KDM4C: variants seen among roughly 807,000 people sequenced by gnomAD.
KDM4C encodes the protein lysine demethylase 4C.
KDM4C carries 81 observed loss-of-function variants against 129.3 expected under a neutral mutation model. That is an observed-to-expected ratio of 0.63 (90% CI 0.52 to 0.75). KDM4C has a LOEUF of 0.75. Among genes scored for constraint, KDM4C ranks in the 30% least tolerant of loss-of-function variants. The pLI, the probability that KDM4C is intolerant of heterozygous loss-of-function variation, is 0.00. For missense variants in KDM4C, 1,457 were observed against 1,304.0 expected (o/e 1.12, Z -1.81); for synonymous variants, 573 against 456.1 (o/e 1.26, Z -3.26).
At chr9:6,857,727 A>G (rs1374175430) in intron 5 of KDM4C, among the ~76,000 whole-genome samples, 1 of 151,934 alleles carries the variant, frequency 6.6e-6, no homozygotes, top group Non-Finnish European at 1.5e-5. Context: ...CGTGCAAAGC[A>G]AATAGTTTTC....
At position 7,090,188 on chromosome 9, in the gene KDM4C, G is replaced by A. The variant is rs561425871; in HGVS notation, c.2425-13497G>A. On this transcript the variant is annotated intron_variant, in intron 17 of 21. Coordinates refer to ENST00000381309, the MANE Select transcript of KDM4C (RefSeq NM_015061.6). The stretch of plus-strand genomic sequence containing the variant: ...ACTTATAACCTCTTCAGAGCTTCCT[G>A]TTGGAACTTGACAAGCAGATTCTTT... 2.6e-5 allele frequency among the ~76,000 whole-genome samples: 4 copies of A among 152,316 alleles called. No homozygotes were observed. In the South Asian group the frequency reaches 8.3e-4, roughly 32 times the overall value.
chr9:7,004,318 C>T (rs935038569), intron 12 of KDM4C, among the ~76,000 whole-genome samples: 3 of 152,212 alleles, frequency 2.0e-5, no homozygotes, highest in African/African-American at 4.8e-5. Context: ...TCATAGTTCT[C>T]ACCTAATATT....
intron 16 of KDM4C, among the ~76,000 whole-genome samples, chr9:7,047,531 A>G (rs1051237198): frequency 6.6e-6 from 1 of 151,602 alleles, no homozygotes; most frequent in Non-Finnish European, 1.5e-5. Context: ...TTTTTTTTTC[A>G]TGACCAGGTT....
At chr9:6,781,929 A>G (rs571621206) in intron 1 of KDM4C, among the ~76,000 whole-genome samples, 3 of 150,918 alleles carry the variant, frequency 2.0e-5, no homozygotes, top group Non-Finnish European at 2.9e-5. Flanking sequence ...GGTTCAGGCT[A>G]TTCTCCTGCC....
intron 4 of KDM4C, chr9:6,835,239 G>A: frequency 2.2e-6 from 2 of 912,832 alleles, no homozygotes; most frequent in Non-Finnish European, 3.7e-6. Flanking sequence ...CACTCTTCCA[G>A]CTTTCCTTCC....
chr9:6,835,297 A>G (rs1488297447), intron 4 of KDM4C: 15 of 904,522 alleles, frequency 1.7e-5, no homozygotes, highest in East Asian at 2.4e-5. Context: ...GAACTCCATT[A>G]TGAAGTGTGA....
intron 17 of KDM4C, among the ~76,000 whole-genome samples, chr9:7,069,859 A>G (rs1039087169): frequency 6.6e-6 from 1 of 152,252 alleles, no homozygotes. Flanking sequence ...CATGAGGTGG[A>G]CTAATTGAGA....
intron 1 of KDM4C, among the ~76,000 whole-genome samples, chr9:6,738,480 C>T (rs944601024): frequency 3.9e-5 from 6 of 151,976 alleles, no homozygotes; most frequent in African/African-American, 1.4e-4. Flanking sequence ...GTCCCCCAAG[C>T]TGGAGGGCAA....
chr9:6,991,414 G>A (rs1189308561), intron 12 of KDM4C, among the ~76,000 whole-genome samples: 1 of 151,928 alleles, frequency 6.6e-6, no homozygotes, highest in East Asian at 1.9e-4. Context: ...TTATAAAAAA[G>A]AAATTTTTGT....
At chr9:6,785,988 C>G (rs559519099) in intron 1 of KDM4C, among the ~76,000 whole-genome samples, 2 of 152,264 alleles carry the variant, frequency 1.3e-5, no homozygotes, top group East Asian at 1.9e-4. Flanking sequence ...GCTTAGGTTC[C>G]TAGAGGGCTG....
At chr9:6,887,346 C>T (rs908334903) in intron 6 of KDM4C, among the ~76,000 whole-genome samples, 3 of 152,208 alleles carry the variant, frequency 2.0e-5, no homozygotes, top group Non-Finnish European at 4.4e-5. Context: ...GTATGTTTAA[C>T]TTCCTCATTT....
At chr9:6,839,672 C>T (rs571337447) in intron 4 of KDM4C, among the ~76,000 whole-genome samples, 6 of 151,930 alleles carry the variant, frequency 3.9e-5, no homozygotes, top group African/African-American at 9.7e-5. Context: ...TTTTGGAGGC[C>T]GAGGCAGGAG....
chr9:7,007,959 A>G (rs2132103665), intron 12 of KDM4C, among the ~76,000 whole-genome samples: 1 of 152,318 alleles, frequency 6.6e-6, no homozygotes. Flanking sequence ...TGGCAGAAAC[A>G]TCGATTTAAC....
At chr9:7,082,240 A>C (rs769072919) in intron 17 of KDM4C, among the ~76,000 whole-genome samples, 6 of 152,148 alleles carry the variant, frequency 3.9e-5, no homozygotes, top group African/African-American at 7.2e-5. Context: ...GTTTCTTTCC[A>C]CCTTAGCCCA....
intron 17 of KDM4C, among the ~76,000 whole-genome samples, chr9:7,057,869 G>A (rs964352212): frequency 2.2e-4 from 34 of 152,210 alleles, no homozygotes; most frequent in African/African-American, 8.2e-4. Flanking sequence ...CTCTAAAACA[G>A]AAGTTCAGAG....
At chr9:7,044,615 C>G (rs1360245521) in intron 15 of KDM4C, among the ~76,000 whole-genome samples, 1 of 151,802 alleles carries the variant, frequency 6.6e-6, no homozygotes, top group Non-Finnish European at 1.5e-5. Context: ...ATGGTAGGCA[C>G]CAATGATGGA....
chr9:7,103,402 CT>C (rs1837321114), intron 17 of KDM4C, among the ~76,000 whole-genome samples: 1 of 152,170 alleles, frequency 6.6e-6, no homozygotes, highest in Non-Finnish European at 1.5e-5. Context: ...AGCTCTGTGC[CT>C]GCAGGAGTAT....
chr9:6,770,226 A>AG lies in KDM4C; in HGVS notation c.-18+12023_-18+12024insG, dbSNP rs1226105636. Among the ~76,000 whole-genome samples, 33 of 152,164 alleles carry AG rather than the reference A, an allele frequency of 2.2e-4. 4 individuals carry two copies. The highest frequency in any genetic ancestry group is 1.7e-3 in the Admixed American group (26 of 15,268). ...CAAACAAAAAACACCAAAAAAAAAA[A>AG]AAGAACCCCGTGTGTTGTAAATCAA... On this transcript the variant is annotated intron_variant, in intron 1 of 21. Transcript: ENST00000381309.
intron 4 of KDM4C, 45 bp downstream of exon 4, chr9:6,814,790 G>T: frequency 2.4e-6 from 3 of 1,257,230 alleles, no homozygotes; most frequent in Non-Finnish European, 3.4e-6. Context: ...CATTGGATGT[G>T]ACAGTTTTGT....
Sources: gnomAD v4.1 joint callset for allele counts (sites outside exome capture counted in the v4.1 genomes callset) on GRCh38, gnomAD v4.1.1 for gene constraint, MANE v1.5 for transcripts, NCBI Gene and HGNC (gene_info 2026-07-23, HGNC 2026-07-21) for gene names.